SPSB4: variants seen among roughly 807,000 people sequenced by gnomAD.
SPSB4 encodes splA/ryanodine receptor domain and SOCS box containing 4.
SPSB4 carries 21 observed loss-of-function variants against 20.9 expected under a neutral mutation model. The observed-to-expected ratio is 1.01, with a 90% CI of 0.71 to 1.45. SPSB4 has a LOEUF of 1.45. Ranked by LOEUF, SPSB4 falls within the 40% of genes most tolerant of loss-of-function variation. The probability of loss-of-function intolerance (pLI) is 0.00; values close to 1 mark genes in which losing one functional copy is unlikely to be tolerated. For missense variants in SPSB4, 399 were observed against 399.2 expected, an observed-to-expected ratio of 1.00 and a Z score of 0.00; for synonymous variants, 207 against 183.8, an observed-to-expected ratio of 1.13 and a Z score of -1.02.
chr3:141,134,061 T>C (rs1382494545), intron 2 of SPSB4, among the ~76,000 whole-genome samples: 40 of 142,816 alleles, frequency 2.8e-4, no homozygotes, highest in African/African-American at 8.3e-4. Flanking sequence ...TTTTTCTTTT[T>C]TTTTTTTTTT....
Position 141,066,554 on chromosome 3 carries a change from C to G in SPSB4, c.450C>G (p.Tyr150Ter). The change falls in exon 2 of 3, where the codon TAC becomes TAG. Residue 150 changes from tyrosine (Y) to a stop codon, truncating the protein, a stop_gained. Transcript: ENST00000310546. LOFTEE classifies it high-confidence loss of function. ...GGGACCTGGGCCGCAGCCGCCTCTA[C>G]CACGACGGCAAGAACCAGCCCGGCG... The part of the protein sequence containing the change: ...WGWDLGRSRL[Y>*]HDGKNQPGVA... The G allele has an allele frequency of 1.3e-6, 2 of 1,530,318 alleles. No homozygotes were observed. Among genetic ancestry groups the G allele is most frequent in the Non-Finnish European group, 1.8e-6 (2 of 1,137,798 alleles). 94.8% of individuals were successfully genotyped at this position (1,530,318 alleles called of 1,614,324 possible). A position where few individuals can be genotyped will look rare whatever the true frequency, so the allele number is the denominator to read the frequency against.
At position 141,066,004 on chromosome 3, in the gene SPSB4, G is replaced by T; in HGVS notation, c.-101G>T. ...AGAGGCTGTGGAGGTCTACCGTCCG[G>T]AAGCCTGGTTCCCAGCCCCGTGGCC... On this transcript the variant is annotated 5_prime_UTR_variant, in exon 2 of 3. Transcript: ENST00000310546. 6 of 1,136,416 alleles carry T rather than the reference G, an allele frequency of 5.3e-6. No individual in the cohort carries two copies. Among genetic ancestry groups the T allele is most frequent in the Non-Finnish European group, 7.1e-6 (6 of 847,752 alleles). 70.4% of individuals were successfully genotyped at this position (1,136,416 alleles called of 1,614,324 possible). A position where few individuals can be genotyped will look rare whatever the true frequency, so the allele number is the denominator to read the frequency against.
At chr3:141,055,792 C>G (rs1180351199) in intron 1 of SPSB4, among the ~76,000 whole-genome samples, 1 of 152,124 alleles carries the variant, frequency 6.6e-6, no homozygotes, top group Non-Finnish European at 1.5e-5. Context: ...ACAGATGTCC[C>G]GCAGGGCTGA....
intron 2 of SPSB4, among the ~76,000 whole-genome samples, chr3:141,067,533 G>T (rs1038958549): frequency 9.2e-5 from 14 of 152,170 alleles, no homozygotes; most frequent in Non-Finnish European, 2.1e-4. Context: ...ACCCTTGCAG[G>T]CTACAAACCA....
chr3:141,056,065 A>G (rs1937633237), intron 1 of SPSB4, among the ~76,000 whole-genome samples: 1 of 152,212 alleles, frequency 6.6e-6, no homozygotes, highest in African/African-American at 2.4e-5. Flanking sequence ...GGGGTGCCCC[A>G]TTGATGGGGT....
At chr3:141,146,119 G>C (rs977847287) in intron 2 of SPSB4, among the ~76,000 whole-genome samples, 1 of 150,666 alleles carries the variant, frequency 6.6e-6, no homozygotes, top group Non-Finnish European at 1.5e-5. Context: ...GCTGCCTCTG[G>C]TGCTAGCTTA....
At chr3:141,112,566 A>C (rs1938816966) in intron 2 of SPSB4, among the ~76,000 whole-genome samples, 2 of 137,250 alleles carry the variant, frequency 1.5e-5, no homozygotes, top group East Asian at 4.7e-4. Context: ...AATGGCGTGA[A>C]CCCGGGAGGC....
intron 2 of SPSB4, among the ~76,000 whole-genome samples, chr3:141,100,516 C>T (rs1938599147): frequency 1.3e-5 from 2 of 152,324 alleles, no homozygotes; most frequent in Non-Finnish European, 2.9e-5. Context: ...TTCTCTCTCA[C>T]ACTCCTCAGA....
At chr3:141,123,367 T>C (rs1419314538) in intron 2 of SPSB4, among the ~76,000 whole-genome samples, 1 of 152,272 alleles carries the variant, frequency 6.6e-6, no homozygotes, top group East Asian at 1.9e-4. Flanking sequence ...CTCAGAATTT[T>C]GTGCTTATTA....
intron 2 of SPSB4, among the ~76,000 whole-genome samples, chr3:141,140,502 G>A (rs1265654361): frequency 1.3e-5 from 2 of 152,148 alleles, no homozygotes; most frequent in Admixed American, 1.3e-4. Flanking sequence ...CGTACAGATG[G>A]GTTTTTGGTG....
intron 2 of SPSB4, among the ~76,000 whole-genome samples, chr3:141,090,817 A>G (rs1019066679): frequency 2.0e-5 from 3 of 152,356 alleles, no homozygotes; most frequent in South Asian, 2.1e-4. Flanking sequence ...TAGAGGGGCC[A>G]GGGCAGAAGT....
intron 2 of SPSB4, among the ~76,000 whole-genome samples, chr3:141,141,058 C>T (rs889235334): frequency 7.2e-5 from 11 of 152,240 alleles, no homozygotes; most frequent in African/African-American, 1.4e-4. Flanking sequence ...GCCTCGCTGC[C>T]GCCTTGCAGT....
At chr3:141,111,387 G>T (rs1938796332) in intron 2 of SPSB4, among the ~76,000 whole-genome samples, 1 of 114,424 alleles carries the variant, frequency 8.7e-6, no homozygotes, top group African/African-American at 3.6e-5. Context: ...TTTTGGTAAG[G>T]GACAATGGTC....
intron 2 of SPSB4, among the ~76,000 whole-genome samples, chr3:141,120,588 T>C (rs2107801150): frequency 6.6e-6 from 1 of 152,146 alleles, no homozygotes; most frequent in African/African-American, 2.4e-5. Context: ...TATGAATCTG[T>C]GTGCTCCTGT....
intron 2 of SPSB4, among the ~76,000 whole-genome samples, chr3:141,103,652 A>G (rs1938646031): frequency 6.6e-6 from 1 of 152,158 alleles, no homozygotes; most frequent in African/African-American, 2.4e-5. Flanking sequence ...GTAAGGCCAG[A>G]GACAGGCACA....
In SPSB4 at chr3:141,147,312, G is replaced by A. The variant is rs202031354; in HGVS notation, c.*43G>A. The A allele has an allele frequency of 2.4e-5, 39 of 1,609,784 alleles. No homozygotes were observed. In the East Asian group the frequency reaches 2.9e-4, roughly 12 times the overall value. On this transcript the variant is annotated 3_prime_UTR_variant, in exon 3 of 3. Coordinates refer to ENST00000310546, the MANE Select transcript of SPSB4 (RefSeq NM_080862.3). ...GCACAGACACAGACACACACCGCAG[G>A]GCCCGACCCTCCTGTCATTCACAGT... is the stretch of plus-strand genomic sequence containing the variant.
At chr3:141,055,696 G>A (rs1937623702) in intron 1 of SPSB4, among the ~76,000 whole-genome samples, 1 of 152,220 alleles carries the variant, frequency 6.6e-6, no homozygotes, top group South Asian at 2.1e-4. Context: ...GGCAGGAACA[G>A]TGACATGCAG....
At chr3:141,142,988 T>C (rs1939359160) in intron 2 of SPSB4, among the ~76,000 whole-genome samples, 1 of 151,798 alleles carries the variant, frequency 6.6e-6, no homozygotes, top group South Asian at 2.1e-4. Context: ...AGCTAATTTT[T>C]TGTGTTTTTA....
chr3:141,083,581 T>C (rs1311642661), intron 2 of SPSB4, among the ~76,000 whole-genome samples: 1 of 151,794 alleles, frequency 6.6e-6, no homozygotes, highest in Non-Finnish European at 1.5e-5. Flanking sequence ...AGCCTCCACA[T>C]CCCCCGGCGG....
Sources: allele counts gnomAD v4.1 joint callset (sites outside exome capture counted in the v4.1 genomes callset), GRCh38; gene constraint gnomAD v4.1.1; transcripts MANE v1.5; gene names NCBI Gene and HGNC (gene_info 2026-07-23, HGNC 2026-07-21).